Variants in GPHN observed in about 807,000 individuals in gnomAD.
GPHN encodes gephyrin.
GPHN carries 17 observed loss-of-function variants against 95.5 expected under a neutral mutation model. That is an observed-to-expected ratio of 0.18 (90% CI 0.12 to 0.27). The LOEUF (loss-of-function observed/expected upper bound fraction) is 0.27, where lower values mean the gene tolerates loss of function less well. Ranked by LOEUF, GPHN falls within the 10% of genes least tolerant of loss-of-function variation. The pLI is 1.00. For synonymous variants in GPHN, 320 were observed against 322.5 expected, an observed-to-expected ratio of 0.99 and a Z score of 0.08; for missense variants, 660 against 978.1, an observed-to-expected ratio of 0.67 and a Z score of 4.34.
the GPHN span, among the ~76,000 whole-genome samples, chr14:67,609,455 C>T: frequency 1.3e-5 from 2 of 152,120 alleles, no homozygotes; most frequent in Admixed American, 6.5e-5. Flanking sequence ...TGGGTTTATA[C>T]AGAGGCTTCA....
chr14:66,833,727 T>C (rs774893126), intron 4 of GPHN, among the ~76,000 whole-genome samples: 2 of 152,124 alleles, frequency 1.3e-5, no homozygotes, highest in Non-Finnish European at 2.9e-5. Context: ...TATTTACTTA[T>C]TAAATTTAAA....
At chr14:67,445,370 C>T in the GPHN span, among the ~76,000 whole-genome samples, 5 of 151,956 alleles carry the variant, frequency 3.3e-5, no homozygotes, top group Non-Finnish European at 5.9e-5. Flanking sequence ...CTGATACTAA[C>T]TCCAGGTAGA....
chr14:67,582,009 A>G, the GPHN span: 4 of 1,530,890 alleles, frequency 2.6e-6, no homozygotes, highest in Non-Finnish European at 3.6e-6. The surrounding 1 kb of genome is among the most constrained non-coding windows in gnomAD (Gnocchi z 5.0). Flanking sequence ...GACCCAGAGA[A>G]AGCCCCATCC....
At position 66,890,421 on chromosome 14, in the gene GPHN, A is replaced by C. The variant is rs567273677; in HGVS notation, c.389+10388A>C. Among the ~76,000 whole-genome samples, 7 of 152,168 alleles carry C rather than the reference A, an allele frequency of 4.6e-5. No individual in the cohort carries two copies. The South Asian group carries it at 1.5e-3, about 32-fold the overall frequency. Reference sequence around the variant, plus strand: ...GTGAGACCCTGTCTCAAAAAAAAAAAAAAAAAAAAACCTTTCTATCTTTCT... The same window carrying C: ...GTGAGACCCTGTCTCAAAAAAAAAACAAAAAAAAAACCTTTCTATCTTTCT... On this transcript the variant is annotated intron_variant, in intron 5 of 22. Transcript: ENST00000478722.
intron 5 of GPHN, among the ~76,000 whole-genome samples, chr14:66,897,260 T>C (rs1237059487): frequency 1.3e-5 from 2 of 152,162 alleles, no homozygotes; most frequent in African/African-American, 4.8e-5. Context: ...TTAGGTTGAC[T>C]TCATATTTTG....
At chr14:67,338,480 C>A in the GPHN span, 1 of 898,522 alleles carries the variant, frequency 1.1e-6, no homozygotes, top group Non-Finnish European at 1.7e-6. Flanking sequence ...AAAGTAATCC[C>A]ATAAATAGAC....
intron 1 of GPHN, among the ~76,000 whole-genome samples, chr14:66,629,080 CATAT>C (rs35164691): frequency 8.9e-6 from 1 of 111,870 alleles, no homozygotes; most frequent in African/African-American, 4.1e-5. Flanking sequence ...AAAAAAAATA[CATAT>C]ATATATATAT....
At chr14:67,631,254 G>T in the GPHN span, among the ~76,000 whole-genome samples, 2 of 152,078 alleles carry the variant, frequency 1.3e-5, no homozygotes, top group Non-Finnish European at 2.9e-5. Context: ...TGGCTTCGTA[G>T]GCCATCATTG....
chr14:66,591,317 A>G (rs1380909035), intron 1 of GPHN, among the ~76,000 whole-genome samples: 1 of 152,212 alleles, frequency 6.6e-6, no homozygotes, highest in African/African-American at 2.4e-5. Flanking sequence ...GCAATCAGGC[A>G]AGAGAAAGAA....
chr14:67,697,537 A>T, the GPHN span, among the ~76,000 whole-genome samples: 4 of 152,026 alleles, frequency 2.6e-5, no homozygotes, highest in South Asian at 2.1e-4. Context: ...CCAATGATTT[A>T]TATATATATA....
At chr14:66,638,457 C>T (rs1265626571) in intron 1 of GPHN, among the ~76,000 whole-genome samples, 2 of 150,794 alleles carry the variant, frequency 1.3e-5, no homozygotes, top group African/African-American at 5.0e-5. Context: ...ACAACAACGA[C>T]AACAACAACA....
At chr14:67,424,165 G>A in the GPHN span, among the ~76,000 whole-genome samples, 7 of 152,192 alleles carry the variant, frequency 4.6e-5, no homozygotes, top group African/African-American at 1.2e-4. Context: ...ACTTGAACCC[G>A]GGAGACGGAG....
chr14:67,541,043 G>A, the GPHN span, among the ~76,000 whole-genome samples: 1 of 152,138 alleles, frequency 6.6e-6, no homozygotes, highest in African/African-American at 2.4e-5. Context: ...AAAATATCTA[G>A]CAGTTTTCTG....
the GPHN span, among the ~76,000 whole-genome samples, chr14:67,368,533 A>G: frequency 6.6e-6 from 1 of 152,196 alleles, no homozygotes; most frequent in Admixed American, 6.5e-5. Context: ...TCTGTGATTA[A>G]TGGATGCCAA....
At chr14:67,285,126 A>G in the GPHN span, among the ~76,000 whole-genome samples, 2 of 152,168 alleles carry the variant, frequency 1.3e-5, no homozygotes. Context: ...TCTGAGTATC[A>G]TATTTGACCC....
chr14:67,020,255 TG>T (rs2073539042), intron 9 of GPHN, among the ~76,000 whole-genome samples: 1 of 152,194 alleles, frequency 6.6e-6, no homozygotes, highest in Non-Finnish European at 1.5e-5. Context: ...CTTTTCATGT[TG>T]GGCTGAAAAA....
chr14:66,699,980 A>T (rs1413550447), intron 2 of GPHN, among the ~76,000 whole-genome samples: 1 of 152,150 alleles, frequency 6.6e-6, no homozygotes, highest in Non-Finnish European at 1.5e-5. Context: ...CTATTTTTTT[A>T]AACTAATCTT....
At chr14:66,713,831 T>G (rs1313076762) in intron 2 of GPHN, among the ~76,000 whole-genome samples, 1 of 152,092 alleles carries the variant, frequency 6.6e-6, no homozygotes, top group Non-Finnish European at 1.5e-5. Flanking sequence ...TGCAGTGACG[T>G]GATCTTGGCT....
At chr14:66,621,226 C>T (rs538738823) in intron 1 of GPHN, among the ~76,000 whole-genome samples, 199 of 151,468 alleles carry the variant, frequency 1.3e-3, no homozygotes, top group East Asian at 2.7e-3. Context: ...CCGCCTGCCT[C>T]GGCCTCCCAA....
Sources: allele counts gnomAD v4.1 joint callset (sites outside exome capture counted in the v4.1 genomes callset), GRCh38; gene constraint gnomAD v4.1.1; non-coding constraint Gnocchi (gnomAD v3.1); transcripts MANE v1.5; gene names NCBI Gene and HGNC (gene_info 2026-07-23, HGNC 2026-07-21).